The following LIX1 variants were observed in gnomAD, a reference collection of about 807,000 sequenced individuals.
LIX1 encodes the protein protein limb expression 1 homolog.
Under a neutral mutation model 33.4 loss-of-function variants are expected in LIX1, and 24 were observed. The ratio of observed to expected loss-of-function variants is 0.72; its 90% CI spans 0.52 to 1.01. LIX1 has a LOEUF of 1.01. LIX1 is among the 50% of genes least tolerant of loss of function. The pLI, the probability that LIX1 is intolerant of heterozygous loss-of-function variation, is 0.00. For synonymous variants in LIX1, 124 were observed against 124.0 expected (o/e 1.00, Z 0.00); for missense variants, 311 against 339.2 (o/e 0.92, Z 0.65).
At chr5:97,121,812 A>G (rs983277662) in intron 2 of LIX1, among the ~76,000 whole-genome samples, 1 of 152,178 alleles carries the variant, frequency 6.6e-6, no homozygotes, top group Non-Finnish European at 1.5e-5. Flanking sequence ...AAACAAGTAC[A>G]TTAGTTTAGA....
intron 1 of LIX1, among the ~76,000 whole-genome samples, chr5:97,136,428 G>A (rs1010452982): frequency 2.6e-5 from 4 of 152,198 alleles, no homozygotes; most frequent in African/African-American, 9.7e-5. Context: ...CCCCCTTCAT[G>A]CGAGGAAGAA....
chr5:97,113,734 G>A (rs1311538025), intron 2 of LIX1, among the ~76,000 whole-genome samples: 1 of 152,132 alleles, frequency 6.6e-6, no homozygotes, highest in African/African-American at 2.4e-5. Flanking sequence ...GAATAAAGAG[G>A]ACATATAATT....
At chr5:97,110,054 C>A (rs752433141) in intron 2 of LIX1, among the ~76,000 whole-genome samples, 1 of 152,172 alleles carries the variant, frequency 6.6e-6, no homozygotes, top group Non-Finnish European at 1.5e-5. Flanking sequence ...TGAGTGTGCA[C>A]GTGTCTTTTT....
intron 2 of LIX1, among the ~76,000 whole-genome samples, chr5:97,117,601 G>A (rs2287903): frequency 0.48 from 72,929 of 152,008 alleles, 18,501 homozygotes; most frequent in African/African-American, 0.65. Context: ...TTAACGCATG[G>A]AAGTATAAAA....
At chr5:97,130,978 T>C (rs1276245034) in intron 1 of LIX1, among the ~76,000 whole-genome samples, 1 of 152,238 alleles carries the variant, frequency 6.6e-6, no homozygotes, top group Non-Finnish European at 1.5e-5. Flanking sequence ...TTCTTCACTG[T>C]ATTTTGAAAT....
intron 2 of LIX1, among the ~76,000 whole-genome samples, chr5:97,118,194 C>T (rs1747685706): frequency 6.6e-6 from 1 of 152,146 alleles, no homozygotes; most frequent in Non-Finnish European, 1.5e-5. Context: ...ATAATTCATG[C>T]ACATAAATAA....
chr5:97,102,511 C>G (rs766411593), intron 4 of LIX1, among the ~76,000 whole-genome samples: 5 of 152,154 alleles, frequency 3.3e-5, no homozygotes, highest in African/African-American at 1.2e-4. Flanking sequence ...TTTTCCCTGC[C>G]CTCACATCTT....
chr5:97,135,696 G>A (rs1432163586), intron 1 of LIX1, among the ~76,000 whole-genome samples: 4 of 152,206 alleles, frequency 2.6e-5, no homozygotes, highest in Middle Eastern at 3.4e-3. Flanking sequence ...GTGGGCGCCT[G>A]TAATCCCAGC....
At position 97,093,326 on chromosome 5, in the gene LIX1, G is replaced by T. The variant is rs1039207190; in HGVS notation, c.*1422C>A. ...CATGTATGCACTTGCATAAACAAAA[G>T]AAAAAGAAATTATTTTAAATTGAGA... On this transcript the variant is annotated 3_prime_UTR_variant, in exon 6 of 6. Coordinates refer to ENST00000274382, the MANE Select transcript of LIX1 (RefSeq NM_153234.5). 2.8e-4 allele frequency: 43 copies of T among 152,234 alleles called. No homozygotes were observed. The highest frequency in any genetic ancestry group is 9.4e-4 in the African/African-American group (39 of 41,540). 9.4% of individuals were successfully genotyped at this position (152,234 alleles called of 1,614,324 possible).
chr5:97,118,431 G>C (rs956275978), intron 2 of LIX1, among the ~76,000 whole-genome samples: 2 of 152,112 alleles, frequency 1.3e-5, no homozygotes, highest in Non-Finnish European at 2.9e-5. Flanking sequence ...AACAATGAGT[G>C]GCTTTCCTTC....
chr5:97,110,265 T>C (rs1053977083), intron 2 of LIX1, among the ~76,000 whole-genome samples: 57 of 152,252 alleles, frequency 3.7e-4, no homozygotes, highest in African/African-American at 1.3e-3. Context: ...TACAAGACTT[T>C]TGAAATGGCA....
chr5:97,129,729 T>C (rs184100835), intron 1 of LIX1, among the ~76,000 whole-genome samples: 2 of 152,348 alleles, frequency 1.3e-5, no homozygotes, highest in East Asian at 3.9e-4. Context: ...ACAATGCTCA[T>C]TGGAGAAAGA....
At chr5:97,127,384 G>A (rs1341074811) in intron 1 of LIX1, among the ~76,000 whole-genome samples, 1 of 152,122 alleles carries the variant, frequency 6.6e-6, no homozygotes, top group African/African-American at 2.4e-5. Flanking sequence ...AAAAGTTGAA[G>A]TTTTCAAATT....
At chr5:97,095,911 GA>G (rs941056008) in intron 5 of LIX1, among the ~76,000 whole-genome samples, 2 of 151,404 alleles carry the variant, frequency 1.3e-5, no homozygotes, top group African/African-American at 4.9e-5. Context: ...AAAGGAAAAG[GA>G]AAAAAAACAA....
At chr5:97,116,579 C>G (rs1268786681) in intron 2 of LIX1, among the ~76,000 whole-genome samples, 1 of 152,190 alleles carries the variant, frequency 6.6e-6, no homozygotes, top group African/African-American at 2.4e-5. Flanking sequence ...TCGTTTACCT[C>G]TGCCGCAATG....
intron 2 of LIX1, among the ~76,000 whole-genome samples, chr5:97,119,422 A>G (rs573892242): frequency 1.3e-5 from 2 of 152,346 alleles, no homozygotes; most frequent in East Asian, 3.9e-4. Flanking sequence ...CTGAACTGAC[A>G]AAGAAAAGTG....
chr5:97,119,258 T>G (rs1449947736), intron 2 of LIX1, among the ~76,000 whole-genome samples: 2 of 152,200 alleles, frequency 1.3e-5, no homozygotes, highest in African/African-American at 2.4e-5. Context: ...GTCTTGGCAT[T>G]AATAATCCAT....
intron 2 of LIX1, among the ~76,000 whole-genome samples, chr5:97,112,485 T>A (rs999953818): frequency 1.3e-5 from 2 of 152,214 alleles, no homozygotes; most frequent in African/African-American, 4.8e-5. Context: ...TTCTTGCTAT[T>A]TTTTAGCCAG....
chr5:97,136,744 GA>G (rs979537413), intron 1 of LIX1, among the ~76,000 whole-genome samples: 6 of 148,454 alleles, frequency 4.0e-5, no homozygotes, highest in Non-Finnish European at 6.0e-5. Context: ...ATCGCAGGAG[GA>G]AAAAAAAACC....
Sources: allele counts gnomAD v4.1 joint callset (sites outside exome capture counted in the v4.1 genomes callset), GRCh38; gene constraint gnomAD v4.1.1; transcripts MANE v1.5; gene names NCBI Gene and HGNC (gene_info 2026-07-23, HGNC 2026-07-21).